DLEC1: variants seen among roughly 807,000 people sequenced by gnomAD.
DLEC1 encodes deleted in lung and esophageal cancer protein 1.
In DLEC1, 146 loss-of-function variants were observed where a neutral mutation model predicts 198.1. The ratio of observed to expected loss-of-function variants is 0.74; its 90% confidence interval spans 0.64 to 0.85. The LOEUF is 0.85. DLEC1 is among the 40% of genes least tolerant of loss of function. The pLI is 0.00. For missense variants in DLEC1, 2,233 were observed against 2,220.0 expected (o/e 1.01, Z -0.12); for synonymous variants, 897 against 866.8 (o/e 1.03, Z -0.61).
Position 38,108,569 on chromosome 3 carries a change from AC to A in DLEC1, c.3129+55del, listed in dbSNP as rs1231194045. 11 of 1,433,570 alleles carry A rather than the reference AC, an allele frequency of 7.7e-6. No homozygotes were observed. In the African/African-American group the frequency reaches 1.3e-4, roughly 16 times the overall value. The allele number at this position is 1,433,570 out of a possible 1,614,324, so 88.8% of individuals were successfully genotyped here. On this transcript the variant is annotated intron_variant, in intron 21 of 36. Transcript: ENST00000308059. ...ACCGGGAAGGCACCCTGCCAACCAT[AC>A]GCACCTGTGCCACCAGGGAGGCCCT... is the stretch of plus-strand genomic sequence containing the variant.
At chr3:38,048,398 A>G (rs1397375006) in intron 2 of DLEC1, among the ~76,000 whole-genome samples, 5 of 152,386 alleles carry the variant, frequency 3.3e-5, no homozygotes, top group South Asian at 2.1e-4. Context: ...TGTTATATCT[A>G]TGGCCTAGAG....
intron 6 of DLEC1, among the ~76,000 whole-genome samples, chr3:38,082,941 G>A (rs973573074): frequency 2.6e-5 from 4 of 152,160 alleles, no homozygotes; most frequent in Non-Finnish European, 4.4e-5. Context: ...GACCGGCGCC[G>A]GAGTTTTGGG....
chr3:38,083,694 A>T (rs1698186543), intron 6 of DLEC1, among the ~76,000 whole-genome samples: 1 of 152,222 alleles, frequency 6.6e-6, no homozygotes, highest in Non-Finnish European at 1.5e-5. Context: ...GTCACAGGGG[A>T]TGCAATGGCT....
rs530942211 is a variant in DLEC1 at position 38,109,317 on chromosome 3, TGA to T, written c.3130-113_3130-112del. 11,225 of 1,461,016 alleles carry T rather than the reference TGA, an allele frequency of 7.7e-3. 63 individuals carry two copies. The highest frequency in any genetic ancestry group is 8.8e-3 in the Non-Finnish European group (9,591 of 1,085,812). 90.5% of individuals were successfully genotyped at this position (1,461,016 alleles called of 1,614,324 possible). ...CTGGGCTCACTGGAGGGACTGGAGA[TGA>T]GCCTGGCCAGAGGTCAAGGCTCCAC... is the stretch of plus-strand genomic sequence containing the variant. On this transcript the variant is annotated intron_variant, in intron 21 of 36. Coordinates refer to ENST00000308059, the MANE Select transcript of DLEC1 (RefSeq NM_007335.4).
intron 2 of DLEC1, among the ~76,000 whole-genome samples, chr3:38,054,358 T>C (rs1339572030): frequency 6.6e-6 from 1 of 152,186 alleles, no homozygotes; most frequent in African/African-American, 2.4e-5. Flanking sequence ...CACTGACGTT[T>C]TTCTGGGTCT....
intron 2 of DLEC1, among the ~76,000 whole-genome samples, chr3:38,052,794 C>G (rs1039181923): frequency 2.0e-5 from 3 of 152,146 alleles, no homozygotes; most frequent in Non-Finnish European, 4.4e-5. Context: ...CCTCCTCCCC[C>G]TCTCCCTCTC....
Position 38,092,867 on chromosome 3 carries a change from G to A in DLEC1, c.1743G>A (p.Glu581=), listed in dbSNP as rs762732145. The part of the protein sequence containing the change: ...IIMCDNCQIK[E]LVTIGIGQLI... ...TGTGCGACAACTGCCAGATAAAGGA[G>A]CTGGTGACCATAGGTGGGCTTGAGT... Residue 581 remains glutamate, a synonymous_variant, in exon 11 of 37, where the codon GAG becomes GAA. Coordinates refer to ENST00000308059, the MANE Select transcript of DLEC1 (RefSeq NM_007335.4). 3.7e-6 allele frequency: 6 copies of A among 1,614,204 alleles called. No homozygotes were observed. The Admixed American group carries it at 8.3e-5, about 22-fold the overall frequency.
At chr3:38,080,930 G>T (rs530016676) in intron 6 of DLEC1, among the ~76,000 whole-genome samples, 65 of 139,062 alleles carry the variant, frequency 4.7e-4, no homozygotes, top group African/African-American at 1.8e-3. Flanking sequence ...GTGAACAAAG[G>T]TCTCTGGTTT....
At chr3:38,059,941 C>G in intron 3 of DLEC1, 89 bp downstream of exon 3, 1 of 1,077,472 alleles carries the variant, frequency 9.3e-7, no homozygotes, top group Non-Finnish European at 1.4e-6. Context: ...CATTTCCTTG[C>G]TCAGAGGTTT....
Position 38,122,440 on chromosome 3 carries a change from C to T in DLEC1, c.*28C>T. On this transcript the variant is annotated 3_prime_UTR_variant, in exon 37 of 37. Transcript: ENST00000308059. Reference sequence around the variant, plus strand: ...CTCCGCCCCAGCCCTCAGCCCCAGGCCCCAGCTGGAGAAAAAACATTGCCC... The same window carrying T: ...CTCCGCCCCAGCCCTCAGCCCCAGGTCCCAGCTGGAGAAAAAACATTGCCC... 1 of 1,614,140 alleles carries T rather than the reference C, an allele frequency of 6.2e-7. No individual in the cohort carries two copies. The highest frequency in any genetic ancestry group is 8.5e-7 in the Non-Finnish European group (1 of 1,180,036).
chr3:38,076,827 C>T (rs1018846911), intron 6 of DLEC1, among the ~76,000 whole-genome samples: 20 of 151,934 alleles, frequency 1.3e-4, no homozygotes, highest in Admixed American at 4.6e-4. Flanking sequence ...TGGTATGGAG[C>T]GATAATGGGC....
chr3:38,080,732 G>C (rs370776601), intron 6 of DLEC1, among the ~76,000 whole-genome samples: 172 of 151,606 alleles, frequency 1.1e-3, no homozygotes, highest in African/African-American at 4.1e-3. Context: ...GTGGAAGGTT[G>C]CCCATAGTGA....
chr3:38,045,748 A>G, intron 2 of DLEC1, 55 bp downstream of exon 2: 1 of 1,542,662 alleles, frequency 6.5e-7, no homozygotes, highest in Non-Finnish European at 8.7e-7. Flanking sequence ...TTGATATTTC[A>G]CTGTGTTTGC....
chr3:38,116,365 C>G (rs1285667768), intron 27 of DLEC1, 88 bp from the exon 28 acceptor site: 1 of 1,317,248 alleles, frequency 7.6e-7, no homozygotes, highest in Non-Finnish European at 1.1e-6. Flanking sequence ...AATAGGTCAT[C>G]TCTGTCTGGG....
At position 38,095,905 on chromosome 3, in the gene DLEC1, T is replaced by A. The variant is rs1300166736; in HGVS notation, c.2130T>A (p.Ser710Arg). 8.1e-6 allele frequency: 13 copies of A among 1,613,890 alleles called. No individual in the cohort carries two copies. Among genetic ancestry groups the A allele is most frequent in the Non-Finnish European group, 1.1e-5 (13 of 1,179,992 alleles). ...CCTTGCAGCTGAGGGATTTTCACAG[T>A]GTGCTCCAGATGGTGCTAGAGGAAG... is the stretch of plus-strand genomic sequence containing the variant. ...FSPHELRDFH[S>R]VLQMVLEEVP... Residue 710 changes from serine to arginine, a missense_variant, in exon 14 of 37, where the codon AGT becomes AGA. By Grantham distance (110) the Ser-to-Arg change is moderately radical. Coordinates refer to ENST00000308059, the MANE Select transcript of DLEC1 (RefSeq NM_007335.4).
At position 38,094,947 on chromosome 3, in the gene DLEC1, C is replaced by T; in HGVS notation, c.1988C>T (p.Thr663Ile). ...CTGCAGCCCCTCATGCCTGGAGAAACCTTCAGCATGGACAGCATCAAGTGC... is the reference window on the plus strand; with the variant it reads ...CTGCAGCCCCTCATGCCTGGAGAAATCTTCAGCATGGACAGCATCAAGTGC... ...PNLQPLMPGE[T>I]FSMDSIKCYP... The change falls in exon 13 of 37, where the codon ACC becomes ATC. Residue 663 changes from threonine (T) to isoleucine (I), a missense_variant. Thr to Ile is a moderately conservative substitution (Grantham distance 89, BLOSUM62 -1). Transcript: ENST00000308059. The T allele has an allele frequency of 6.2e-7, 1 of 1,614,192 alleles. No individual in the cohort carries two copies. Among genetic ancestry groups the T allele is most frequent in the Non-Finnish European group, 8.5e-7 (1 of 1,180,034 alleles).
chr3:38,076,169 G>C (rs899998918), intron 6 of DLEC1, among the ~76,000 whole-genome samples: 11 of 152,226 alleles, frequency 7.2e-5, no homozygotes, highest in Non-Finnish European at 1.3e-4. Flanking sequence ...AAAGGAGAAA[G>C]AGGTTGAGGG....
chr3:38,088,032 T>G (rs1698555144), intron 9 of DLEC1, among the ~76,000 whole-genome samples: 1 of 152,238 alleles, frequency 6.6e-6, no homozygotes, highest in Non-Finnish European at 1.5e-5. Flanking sequence ...ATGGTGTTCC[T>G]TGTACCTCCT....
chr3:38,096,677 A>C lies in DLEC1; in HGVS notation c.2280A>C (p.Pro760=). Residue 760 remains proline (P), a synonymous_variant, in exon 15 of 37, where the codon CCA becomes CCC. Transcript: ENST00000308059. ...SVEPFQVLLE[P]YALIIPGENY... is the part of the protein sequence containing the mutation. ...AACCTTTCCAGGTTCTCTTAGAGCC[A>C]TATGCCCTCATCATCCCAGGGGAGA... 1 of 1,613,568 alleles carries C rather than the reference A, an allele frequency of 6.2e-7. No homozygotes were observed. Among genetic ancestry groups the C allele is most frequent in the Non-Finnish European group, 8.5e-7 (1 of 1,179,968 alleles).
Sources: allele counts gnomAD v4.1 joint callset (sites outside exome capture counted in the v4.1 genomes callset), GRCh38; gene constraint gnomAD v4.1.1; transcripts MANE v1.5; gene names NCBI Gene and HGNC (gene_info 2026-07-23, HGNC 2026-07-21).